Variants in AGBL4 observed in about 807,000 individuals in gnomAD.
AGBL4 encodes AGBL carboxypeptidase 4.
AGBL4 carries 58 observed loss-of-function variants against 66.4 expected under a neutral mutation model. The ratio of observed to expected loss-of-function variants is 0.87; its 90% CI spans 0.71 to 1.09. The LOEUF (loss-of-function observed/expected upper bound fraction) is 1.09. Ranked by LOEUF, AGBL4 falls within the 50% of genes least tolerant of loss-of-function variation. AGBL4 has a pLI of 0.00. For missense variants in AGBL4, 579 were observed against 631.0 expected (o/e 0.92, Z 0.88); for synonymous variants, 234 against 222.9 (o/e 1.05, Z -0.44).
At chr1:48,863,647 T>C (rs997461775) in intron 6 of AGBL4, among the ~76,000 whole-genome samples, 3 of 152,012 alleles carry the variant, frequency 2.0e-5, no homozygotes, top group African/African-American at 2.4e-5. Flanking sequence ...GAGAAGAAAA[T>C]AGATTTTGTA....
chr1:48,658,079 G>T (rs953402878), intron 7 of AGBL4, among the ~76,000 whole-genome samples: 2 of 152,160 alleles, frequency 1.3e-5, no homozygotes, highest in Non-Finnish European at 2.9e-5. Flanking sequence ...TCATTAGCTG[G>T]ACTGACTTGT....
chr1:49,970,487 G>A (rs1571983188), intron 1 of AGBL4, among the ~76,000 whole-genome samples: 1 of 152,026 alleles, frequency 6.6e-6, no homozygotes, highest in East Asian at 1.9e-4. Context: ...TAGGTAACAG[G>A]TATAAGAATC....
chr1:49,754,754 T>G (rs1040597131), intron 2 of AGBL4, among the ~76,000 whole-genome samples: 1 of 152,188 alleles, frequency 6.6e-6, no homozygotes, highest in African/African-American at 2.4e-5. Context: ...TCAGAGCCAT[T>G]AGCAGGAACA....
chr1:48,586,887 C>A (rs1390245448), intron 11 of AGBL4, 117 bp downstream of exon 11: 19 of 1,357,646 alleles, frequency 1.4e-5, no homozygotes, highest in Non-Finnish European at 2.0e-5. Flanking sequence ...GCACCTCCAT[C>A]CTCACCTGAG....
At chr1:48,938,791 T>C (rs1187459123) in intron 5 of AGBL4, among the ~76,000 whole-genome samples, 2 of 152,158 alleles carry the variant, frequency 1.3e-5, no homozygotes, top group African/African-American at 4.8e-5. Context: ...CCTTAATTAA[T>C]CTCCCCAAAG....
intron 6 of AGBL4, chr1:48,759,198 G>A: frequency 6.2e-7 from 1 of 1,611,908 alleles, no homozygotes; most frequent in African/African-American, 1.3e-5. Flanking sequence ...TATGGCCCAG[G>A]CTCAGGCCGT....
At chr1:48,591,021 G>A (rs767960131) in intron 9 of AGBL4, 36 bp from the exon 10 acceptor site, 1 of 1,574,456 alleles carries the variant, frequency 6.4e-7, no homozygotes, top group South Asian at 1.2e-5. Flanking sequence ...AGAAGTCTGG[G>A]CTGTAGAGCT....
At chr1:48,995,942 C>T (rs1427717653) in intron 5 of AGBL4, among the ~76,000 whole-genome samples, 1 of 152,080 alleles carries the variant, frequency 6.6e-6, no homozygotes, top group Non-Finnish European at 1.5e-5. Flanking sequence ...AGTAGGGAGA[C>T]CAGTCAAGGC....
intron 4 of AGBL4, among the ~76,000 whole-genome samples, chr1:49,170,429 T>C (rs1175081335): frequency 2.8e-5 from 4 of 142,720 alleles, no homozygotes; most frequent in Non-Finnish European, 6.1e-5. Context: ...AATATTTATA[T>C]ATAAATAAAT....
At chr1:49,926,815 A>G (rs1189086687) in intron 1 of AGBL4, among the ~76,000 whole-genome samples, 2 of 152,160 alleles carry the variant, frequency 1.3e-5, no homozygotes, top group African/African-American at 4.8e-5. Flanking sequence ...AAAAATTAGT[A>G]AGCTCAAAGA....
chr1:48,651,375 T>C (rs909924888), intron 8 of AGBL4, among the ~76,000 whole-genome samples: 2 of 152,140 alleles, frequency 1.3e-5, no homozygotes, highest in Admixed American at 6.5e-5. Flanking sequence ...TTGGCCAAGG[T>C]CACTGACCTC....
chr1:49,866,133 T>C (rs1032767390), intron 1 of AGBL4, among the ~76,000 whole-genome samples: 2 of 152,044 alleles, frequency 1.3e-5, no homozygotes, highest in African/African-American at 2.4e-5. Context: ...CTACAACTGA[T>C]TGGGGTACCT....
rs2148248343 is a variant in AGBL4, at chr1:49,208,051, T to A, written c.377+37719A>T. Among the ~76,000 whole-genome samples, 3 of 152,196 alleles carry A rather than the reference T, an allele frequency of 2.0e-5. No homozygotes were observed. The South Asian group carries it at 6.2e-4, about 32-fold the overall frequency. On this transcript the variant is annotated intron_variant, in intron 4 of 13. Transcript: ENST00000371839. ...AGAATACGTAGCTTGCTCCATGGCT[T>A]CTTGAGAGGGATTATATGTATTATA...
At chr1:49,894,236 C>G (rs1268006429) in intron 1 of AGBL4, among the ~76,000 whole-genome samples, 1 of 151,962 alleles carries the variant, frequency 6.6e-6, no homozygotes, top group Non-Finnish European at 1.5e-5. Flanking sequence ...ACCTAAAAAG[C>G]CTTCCAAAAA....
At chr1:49,308,701 A>G (rs1350331161) in intron 3 of AGBL4, among the ~76,000 whole-genome samples, 1 of 152,124 alleles carries the variant, frequency 6.6e-6, no homozygotes, top group Admixed American at 6.6e-5. Context: ...CTTAGGGATT[A>G]GGGACAATTT....
Position 49,328,875 on chromosome 1 carries a change from G to A in AGBL4, c.283-83011C>T, listed in dbSNP as rs367906184. Among the ~76,000 whole-genome samples the A allele has an allele frequency of 1.1e-3, 163 of 151,932 alleles. 1 individual carries two copies. The highest frequency in any genetic ancestry group is 3.8e-3 in the African/African-American group (156 of 41,416). On this transcript the variant is annotated intron_variant, in intron 3 of 13. Transcript: ENST00000371839. ...TGGCATGCAGTGCCCTCTATCCTTG[G>A]GCCATCTTAGTGTAGGATCTTAATT...
At position 49,846,273 on chromosome 1, in the gene AGBL4, A is replaced by G; in HGVS notation, c.157+5123T>C. The G allele has an allele frequency of 2.7e-6, 4 of 1,489,378 alleles. No homozygotes were observed. In the South Asian group the frequency reaches 4.5e-5, roughly 17 times the overall value. 92.3% of individuals were successfully genotyped at this position (1,489,378 alleles called of 1,614,324 possible). A position where few individuals can be genotyped will look rare whatever the true frequency, so the allele number is the denominator to read the frequency against. ...CACGATTGTGGAAAGTCCTTTAGGC[A>G]GAGCACCCACCTCACACAGCACTGG... is the stretch of plus-strand genomic sequence containing the variant. On this transcript the variant is annotated intron_variant, in intron 2 of 13. Transcript: ENST00000371839.
intron 5 of AGBL4, among the ~76,000 whole-genome samples, chr1:48,912,530 G>A (rs1653226217): frequency 6.6e-6 from 1 of 152,182 alleles, no homozygotes; most frequent in South Asian, 2.1e-4. Flanking sequence ...CAGATATGAT[G>A]TTGTTCAGCC....
chr1:48,580,452 A>T (rs1644722742), intron 11 of AGBL4, among the ~76,000 whole-genome samples: 1 of 152,140 alleles, frequency 6.6e-6, no homozygotes, highest in Admixed American at 6.5e-5. Flanking sequence ...CCAGACCCTA[A>T]CCCCTTGGTC....
Sources: gnomAD v4.1 joint callset for allele counts (sites outside exome capture counted in the v4.1 genomes callset) on GRCh38, gnomAD v4.1.1 for gene constraint, MANE v1.5 for transcripts, NCBI Gene and HGNC (gene_info 2026-07-23, HGNC 2026-07-21) for gene names.